NDUFB6: variants seen among roughly 807,000 people sequenced by gnomAD.
The protein encoded by NDUFB6 is NADH dehydrogenase [ubiquinone] 1 beta subcomplex subunit 6.
A neutral mutation model predicts 17.5 loss-of-function variants in NDUFB6; 23 were observed. The observed-to-expected ratio is 1.31, with a 90% CI of 0.94 to 1.86. The LOEUF is 1.86. Among genes scored for constraint, NDUFB6 ranks in the 40% most tolerant of loss-of-function variants. NDUFB6 has a pLI of 0.00. For missense variants in NDUFB6, 167 were observed against 153.8 expected, an observed-to-expected ratio of 1.09 and a Z score of -0.46; for synonymous variants, 60 against 53.5, an observed-to-expected ratio of 1.12 and a Z score of -0.53.
chr9:32,568,181 T>A (rs1439397998), intron 2 of NDUFB6: 2 of 168,138 alleles, frequency 1.2e-5, no homozygotes, highest in Non-Finnish European at 2.9e-5. Context: ...GGTCAAAGTA[T>A]CAACATGAAC....
At chr9:32,566,347 G>A in intron 2 of NDUFB6, 2 of 1,174,928 alleles carry the variant, frequency 1.7e-6, no homozygotes, top group Non-Finnish European at 2.6e-6. Context: ...GCTTCCACCA[G>A]TGTAGGAATG....
intron 2 of NDUFB6, among the ~76,000 whole-genome samples, chr9:32,559,228 G>C (rs539921458): frequency 6.6e-6 from 1 of 152,162 alleles, no homozygotes; most frequent in East Asian, 1.9e-4. Flanking sequence ...AGTTATGAAA[G>C]ACAGAAACCT....
At chr9:32,557,911 A>C (rs1490521550) in intron 3 of NDUFB6, among the ~76,000 whole-genome samples, 1 of 152,148 alleles carries the variant, frequency 6.6e-6, no homozygotes, top group African/African-American at 2.4e-5. Context: ...CAAGAATCAC[A>C]CTTTTGTTAT....
At chr9:32,568,208 T>C (rs528773453) in intron 2 of NDUFB6, 1 of 169,034 alleles carries the variant, frequency 5.9e-6, no homozygotes, top group African/African-American at 2.4e-5. Flanking sequence ...TTGGAAGAAG[T>C]TGATTTCAAC....
chr9:32,555,052 G>A (rs1472874298), intron 3 of NDUFB6, among the ~76,000 whole-genome samples: 1 of 151,466 alleles, frequency 6.6e-6, no homozygotes, highest in Non-Finnish European at 1.5e-5. Flanking sequence ...TGGAGAGGAC[G>A]AGAGAACACT....
chr9:32,555,658 T>G (rs1349018112), intron 3 of NDUFB6, among the ~76,000 whole-genome samples: 1 of 152,216 alleles, frequency 6.6e-6, no homozygotes, highest in Non-Finnish European at 1.5e-5. Flanking sequence ...GCCAGAATGT[T>G]TGAAATTAAA....
chr9:32,570,210 A>G (rs1247227640), intron 2 of NDUFB6, among the ~76,000 whole-genome samples: 2 of 152,102 alleles, frequency 1.3e-5, no homozygotes, highest in Non-Finnish European at 2.9e-5. Context: ...AATATCCTAT[A>G]CTAGGCTGTT....
At chr9:32,555,080 C>CT (rs1256855439) in intron 3 of NDUFB6, among the ~76,000 whole-genome samples, 5 of 149,496 alleles carry the variant, frequency 3.3e-5, no homozygotes, top group African/African-American at 4.9e-5. Flanking sequence ...ACGCTAGAGA[C>CT]TTTCTGTTCC....
At chr9:32,561,595 C>T (rs1360801100) in intron 2 of NDUFB6, among the ~76,000 whole-genome samples, 1 of 152,092 alleles carries the variant, frequency 6.6e-6, no homozygotes, top group Non-Finnish European at 1.5e-5. Flanking sequence ...TCCCAAAGTG[C>T]CAGGATTACA....
Position 32,572,879 on chromosome 9 carries a change from A to C in NDUFB6, c.180+2T>G. 1 of 1,574,032 alleles carries C rather than the reference A, an allele frequency of 6.4e-7. No individual in the cohort carries two copies. The highest frequency in any genetic ancestry group is 1.2e-5 in the South Asian group (1 of 86,462). ...GGGGGACCGGAGAGGTCTGTCACTC[A>C]CCATTTTCCTCCAAGGGGATTTATT... On this transcript the variant is annotated splice_donor_variant, in intron 1 of 3. Coordinates refer to ENST00000379847, the MANE Select transcript of NDUFB6 (RefSeq NM_002493.5). LOFTEE classifies it high-confidence loss of function.
intron 3 of NDUFB6, among the ~76,000 whole-genome samples, chr9:32,558,588 T>G (rs150593684): frequency 6.6e-6 from 1 of 152,202 alleles, no homozygotes; most frequent in African/African-American, 2.4e-5. Flanking sequence ...CCCTAAGCTC[T>G]TTACCCAACA....
intron 2 of NDUFB6, among the ~76,000 whole-genome samples, chr9:32,563,786 G>A (rs1466874670): frequency 6.6e-6 from 1 of 152,074 alleles, no homozygotes; most frequent in Non-Finnish European, 1.5e-5. Flanking sequence ...TTGCACTCAT[G>A]GATTTTCATT....
intron 3 of NDUFB6, 53 bp from the exon 4 acceptor site, chr9:32,553,997 T>TAG: frequency 8.5e-7 from 1 of 1,169,662 alleles, no homozygotes; most frequent in Non-Finnish European, 1.3e-6. Context: ...ACAGAGGTGA[T>TAG]AGTTCTATTC....
intron 2 of NDUFB6, among the ~76,000 whole-genome samples, chr9:32,559,844 CTCAA>C (rs1448956648): frequency 2.0e-5 from 3 of 152,276 alleles, no homozygotes; most frequent in African/African-American, 7.2e-5. Flanking sequence ...AGGGGAGGGA[CTCAA>C]TCTGCTCTGT....
intron 2 of NDUFB6, chr9:32,567,825 T>G (rs1402054742): frequency 8.3e-6 from 2 of 241,294 alleles, no homozygotes; most frequent in Non-Finnish European, 1.8e-5. Context: ...TGGACTGTCC[T>G]ATTCCCTGAG....
chr9:32,557,162 C>CTTT (rs34291462), intron 3 of NDUFB6, among the ~76,000 whole-genome samples: 1 of 129,232 alleles, frequency 7.7e-6, no homozygotes. Flanking sequence ...CTGGCCCCCA[C>CTTT]TTTTTTTTTT....
At chr9:32,559,099 T>G (rs1821556245) in intron 2 of NDUFB6, 145 bp from the exon 3 acceptor site, 1 of 506,068 alleles carries the variant, frequency 2.0e-6, no homozygotes, top group Non-Finnish European at 3.6e-6. Flanking sequence ...ACTCAACATC[T>G]CTACTTAGCT....
intron 2 of NDUFB6, among the ~76,000 whole-genome samples, chr9:32,559,972 C>T (rs1222170626): frequency 1.3e-5 from 2 of 152,114 alleles, no homozygotes; most frequent in Non-Finnish European, 2.9e-5. Context: ...GATACCACTG[C>T]CCAAAATTTA....
At chr9:32,560,954 C>T (rs925658523) in intron 2 of NDUFB6, among the ~76,000 whole-genome samples, 2 of 152,314 alleles carry the variant, frequency 1.3e-5, no homozygotes, top group Admixed American at 6.5e-5. Flanking sequence ...ACATAAAAAT[C>T]ACTCTTGGAT....
Sources: gnomAD v4.1 joint callset for allele counts (sites outside exome capture counted in the v4.1 genomes callset) on GRCh38, gnomAD v4.1.1 for gene constraint, MANE v1.5 for transcripts, NCBI Gene and HGNC (gene_info 2026-07-23, HGNC 2026-07-21) for gene names.